Variants in MAML2 observed in about 807,000 individuals in gnomAD.
MAML2 encodes mastermind like transcriptional coactivator 2.
MAML2 carries 22 observed loss-of-function variants against 96.1 expected under a neutral mutation model. That is an observed-to-expected ratio of 0.23 (90% CI 0.16 to 0.33). The LOEUF (loss-of-function observed/expected upper bound fraction) is 0.33, where lower values mean the gene tolerates loss of function less well. MAML2 is among the 10% of genes least tolerant of loss of function. The probability of loss-of-function intolerance (pLI) is 1.00; values close to 1 mark genes in which losing one functional copy is unlikely to be tolerated. For missense variants in MAML2, 1,367 were observed against 1,392.4 expected (o/e 0.98, Z 0.29); for synonymous variants, 561 against 521.3 (o/e 1.08, Z -1.04).
intron 1 of MAML2, among the ~76,000 whole-genome samples, chr11:96,190,277 A>G (rs747472709): frequency 3.3e-5 from 5 of 152,220 alleles, no homozygotes; most frequent in Non-Finnish European, 7.3e-5. Flanking sequence ...AGCCCTAGAA[A>G]GGAAGTACTG....
chr11:95,999,909 T>C (rs1858055469), intron 2 of MAML2, among the ~76,000 whole-genome samples: 1 of 152,188 alleles, frequency 6.6e-6, no homozygotes, highest in African/African-American at 2.4e-5. Context: ...TTTCCCTCTT[T>C]TTGTCTTTCT....
intron 1 of MAML2, among the ~76,000 whole-genome samples, chr11:96,195,201 A>C (rs1002530934): frequency 6.6e-6 from 1 of 152,160 alleles, no homozygotes; most frequent in Non-Finnish European, 1.5e-5. Flanking sequence ...ATTAAAAAGA[A>C]AAGAAAAGAA....
intron 1 of MAML2, among the ~76,000 whole-genome samples, chr11:96,338,472 T>C (rs117121900): frequency 2.6e-3 from 400 of 152,364 alleles, no homozygotes; most frequent in Non-Finnish European, 5.0e-3. Context: ...TCTTGAAACT[T>C]AAGGCTATTG....
chr11:96,286,034 T>C (rs1414850603), intron 1 of MAML2, among the ~76,000 whole-genome samples: 1 of 152,208 alleles, frequency 6.6e-6, no homozygotes, highest in Non-Finnish European at 1.5e-5. Context: ...CGTATGTTCA[T>C]TGCAGCACTA....
chr11:96,134,366 T>G (rs981596890), intron 1 of MAML2, among the ~76,000 whole-genome samples: 1 of 152,238 alleles, frequency 6.6e-6, no homozygotes, highest in African/African-American at 2.4e-5. Context: ...GGAATAGTCC[T>G]TGCACATAAT....
At chr11:96,187,110 G>T (rs982838647) in intron 1 of MAML2, among the ~76,000 whole-genome samples, 1 of 152,220 alleles carries the variant, frequency 6.6e-6, no homozygotes, top group Non-Finnish European at 1.5e-5. Context: ...TTCAGTGGGT[G>T]TCTGAGGGGT....
chr11:96,064,210 A>G (rs1859210742), intron 2 of MAML2, among the ~76,000 whole-genome samples: 2 of 152,190 alleles, frequency 1.3e-5, no homozygotes, highest in Admixed American at 1.3e-4. Flanking sequence ...AAAATTCCCA[A>G]CCAGCAGGGT....
In MAML2 at chr11:96,312,865, C is replaced by T. The variant is rs1159563015; in HGVS notation, c.513+28518G>A. Among the ~76,000 whole-genome samples, 4 of 152,282 alleles carry T rather than the reference C, an allele frequency of 2.6e-5. No homozygotes were observed. The East Asian group carries it at 7.7e-4, about 29-fold the overall frequency. On this transcript the variant is annotated intron_variant, in intron 1 of 4. Transcript: ENST00000524717. ...CAGTTAGTTAGGAACTGTACTGTGA[C>T]ACAGAAATAAATAGCTTAGTTGTAT... is the stretch of plus-strand genomic sequence containing the variant.
At chr11:96,126,906 G>T (rs566660065) in intron 1 of MAML2, among the ~76,000 whole-genome samples, 3,963 of 80,448 alleles carry the variant, frequency 0.049, 78 homozygotes, top group Middle Eastern at 0.11. Context: ...GTATGGACAT[G>T]GGGGGGGTCA....
In MAML2 at chr11:95,977,521, A is replaced by C. The variant is rs1857667058; in HGVS notation, c.*1427T>G. ...ACATTTGATATTTGAATATGTGAGCATAGAACTGAAAGGGCTGAAGATAAC... is the reference window on the plus strand; with the variant it reads ...ACATTTGATATTTGAATATGTGAGCCTAGAACTGAAAGGGCTGAAGATAAC... On this transcript the variant is annotated 3_prime_UTR_variant, in exon 5 of 5. Coordinates refer to ENST00000524717, the MANE Select transcript of MAML2 (RefSeq NM_032427.4). The C allele has an allele frequency of 5.0e-6, 1 of 200,126 alleles. No individual in the cohort carries two copies. Among genetic ancestry groups the C allele is most frequent in the Non-Finnish European group, 1.0e-5 (1 of 96,990 alleles). 12.4% of individuals were successfully genotyped at this position (200,126 alleles called of 1,614,324 possible). A position where few individuals can be genotyped will look rare whatever the true frequency, so the allele number is the denominator to read the frequency against.
intron 1 of MAML2, among the ~76,000 whole-genome samples, chr11:96,187,080 T>G (rs1861587181): frequency 6.6e-6 from 1 of 152,242 alleles, no homozygotes; most frequent in South Asian, 2.1e-4. Context: ...CCTTTAACCT[T>G]ATTTGAAATT....
chr11:96,267,819 C>T (rs1047381590), intron 1 of MAML2, among the ~76,000 whole-genome samples: 1 of 152,244 alleles, frequency 6.6e-6, no homozygotes, highest in African/African-American at 2.4e-5. Context: ...ACCCCACTCT[C>T]TGGAGGAAGC....
chr11:96,247,738 G>T (rs1331752733), intron 1 of MAML2, among the ~76,000 whole-genome samples: 1 of 152,022 alleles, frequency 6.6e-6, no homozygotes, highest in Non-Finnish European at 1.5e-5. Flanking sequence ...TCTCCTACAT[G>T]ACTACTTCAC....
intron 1 of MAML2, among the ~76,000 whole-genome samples, chr11:96,263,454 A>G (rs1444360144): frequency 2.6e-5 from 4 of 152,272 alleles, no homozygotes; most frequent in Non-Finnish European, 5.9e-5. Flanking sequence ...CAGCATTTCT[A>G]AAGTGTTTCT....
intron 1 of MAML2, among the ~76,000 whole-genome samples, chr11:96,341,119 A>T (rs1423712179): frequency 6.6e-6 from 1 of 152,062 alleles, no homozygotes; most frequent in Non-Finnish European, 1.5e-5. Context: ...TAAGATGTGG[A>T]CCCCAGAGAG....
chr11:96,093,989 CT>C (rs11361832), intron 1 of MAML2, among the ~76,000 whole-genome samples: 121,738 of 151,342 alleles, frequency 0.8, 49,128 homozygotes, highest in Middle Eastern at 0.89. Context: ...TCTCTAGTTT[CT>C]TTTTTTTTTC....
chr11:96,096,028 A>C (rs1460696987), intron 1 of MAML2, among the ~76,000 whole-genome samples: 2 of 152,240 alleles, frequency 1.3e-5, no homozygotes, highest in Non-Finnish European at 2.9e-5. Flanking sequence ...GTCAGGAAGA[A>C]CACAGACCAG....
At chr11:96,317,726 G>GC (rs1206766725) in intron 1 of MAML2, among the ~76,000 whole-genome samples, 1 of 152,200 alleles carries the variant, frequency 6.6e-6, no homozygotes, top group Non-Finnish European at 1.5e-5. Flanking sequence ...TCAGTGCTGG[G>GC]CTAAGAAAAA....
intron 1 of MAML2, among the ~76,000 whole-genome samples, chr11:96,127,083 G>A (rs887025783): frequency 3.7e-4 from 56 of 152,244 alleles, no homozygotes; most frequent in African/African-American, 1.2e-3. Context: ...GAAACCATTC[G>A]TAAAGTTCAG....
Sources: gnomAD v4.1 joint callset for allele counts (sites outside exome capture counted in the v4.1 genomes callset) on GRCh38, gnomAD v4.1.1 for gene constraint, MANE v1.5 for transcripts, NCBI Gene and HGNC (gene_info 2026-07-23, HGNC 2026-07-21) for gene names.